Variants in CACNA2D3 observed in about 807,000 individuals in gnomAD.
CACNA2D3 encodes voltage-dependent calcium channel subunit alpha-2/delta-3.
A neutral mutation model predicts 160.6 loss-of-function variants in CACNA2D3; 60 were observed. That is an observed-to-expected ratio of 0.37 (90% CI 0.30 to 0.46). The LOEUF is 0.46. Among genes scored for constraint, CACNA2D3 ranks in the 20% least tolerant of loss-of-function variants. The probability of loss-of-function intolerance (pLI) is 1.00; values close to 1 mark genes in which losing one functional copy is unlikely to be tolerated. For missense variants in CACNA2D3, 1,205 were observed against 1,365.0 expected (o/e 0.88, Z 1.85); for synonymous variants, 558 against 492.9 (o/e 1.13, Z -1.75).
intron 2 of CACNA2D3, among the ~76,000 whole-genome samples, chr3:54,262,181 A>C (rs1338838373): frequency 6.6e-6 from 1 of 152,120 alleles, no homozygotes; most frequent in Non-Finnish European, 1.5e-5. Context: ...GATTTTGCTG[A>C]TGTGTTTGCT....
intron 35 of CACNA2D3, among the ~76,000 whole-genome samples, chr3:55,045,584 A>G (rs1232967994): frequency 6.6e-6 from 1 of 152,200 alleles, no homozygotes; most frequent in Non-Finnish European, 1.5e-5. Flanking sequence ...ATTTAAGATC[A>G]TTGAAGTTAG....
chr3:54,203,200 T>A (rs959701162), intron 2 of CACNA2D3, among the ~76,000 whole-genome samples: 1 of 152,202 alleles, frequency 6.6e-6, no homozygotes, highest in African/African-American at 2.4e-5. Flanking sequence ...CACCATCCAA[T>A]CCTTTGAAAG....
At chr3:54,717,297 T>A (rs1426713315) in intron 11 of CACNA2D3, among the ~76,000 whole-genome samples, 1 of 152,220 alleles carries the variant, frequency 6.6e-6, no homozygotes, top group Admixed American at 6.5e-5. Context: ...TTCTTCCACA[T>A]CTTCTGTTGC....
intron 2 of CACNA2D3, among the ~76,000 whole-genome samples, chr3:54,172,161 C>G (rs2107312452): frequency 6.6e-6 from 1 of 152,356 alleles, no homozygotes; most frequent in South Asian, 2.1e-4. Flanking sequence ...CACCACTCCA[C>G]TCTCCCCTTC....
intron 2 of CACNA2D3, among the ~76,000 whole-genome samples, chr3:54,132,207 G>A (rs1370220408): frequency 3.3e-5 from 5 of 152,174 alleles, no homozygotes; most frequent in South Asian, 2.1e-4. Flanking sequence ...CTAATGCTAC[G>A]TTTGGATATT....
intron 11 of CACNA2D3, among the ~76,000 whole-genome samples, chr3:54,708,846 G>A (rs373677657): frequency 1.6e-4 from 24 of 152,142 alleles, no homozygotes; most frequent in Admixed American, 5.2e-4. Context: ...TAAATCTTGG[G>A]TCTTAAGTTT....
chr3:54,267,273 C>T (rs961422307), intron 2 of CACNA2D3, among the ~76,000 whole-genome samples: 1 of 152,198 alleles, frequency 6.6e-6, no homozygotes, highest in African/African-American at 2.4e-5. Context: ...GTATGGAAAA[C>T]ATACTCAGCC....
At position 54,836,918 on chromosome 3, in the gene CACNA2D3, C is replaced by G. The variant is rs77825267; in HGVS notation, c.1399-241C>G. 4.6e-3 allele frequency among the ~76,000 whole-genome samples: 695 copies of G among 152,294 alleles called. 14 individuals are homozygous for G. The highest frequency in any genetic ancestry group is 0.042 in the East Asian group (218 of 5,174). On this transcript the variant is annotated intron_variant, in intron 14 of 37. Transcript: ENST00000474759. ...CTCTTTGAACCAAAGTGGCTGAAAG[C>G]AGAGAACAGATCTGCTAGAGTGACT...
At chr3:54,311,389 C>G (rs149517158) in intron 2 of CACNA2D3, among the ~76,000 whole-genome samples, 89 of 152,306 alleles carry the variant, frequency 5.8e-4, no homozygotes, top group Non-Finnish European at 9.4e-4. Flanking sequence ...CATTACATTA[C>G]TAGGCTCCTT....
intron 27 of CACNA2D3, among the ~76,000 whole-genome samples, chr3:54,937,569 A>G (rs953339406): frequency 6.6e-6 from 1 of 152,190 alleles, no homozygotes; most frequent in African/African-American, 2.4e-5. Flanking sequence ...GTATATGAAA[A>G]AGTACAGCCA....
intron 5 of CACNA2D3, among the ~76,000 whole-genome samples, chr3:54,548,052 A>G (rs1031398884): frequency 6.6e-6 from 1 of 152,044 alleles, no homozygotes; most frequent in African/African-American, 2.4e-5. Context: ...CACTCCACAC[A>G]TTGTTCTGGA....
intron 2 of CACNA2D3, among the ~76,000 whole-genome samples, chr3:54,153,872 C>T (rs1413083654): frequency 6.6e-6 from 1 of 152,208 alleles, no homozygotes; most frequent in Non-Finnish European, 1.5e-5. Context: ...ACCTTTTCTG[C>T]TGCAGTTCCT....
At chr3:54,458,920 A>T (rs543070385) in intron 4 of CACNA2D3, among the ~76,000 whole-genome samples, 1 of 151,414 alleles carries the variant, frequency 6.6e-6, no homozygotes, top group African/African-American at 2.4e-5. Context: ...TATCCCTCCC[A>T]ACTTCCCCCA....
intron 9 of CACNA2D3, among the ~76,000 whole-genome samples, chr3:54,591,325 GC>G (rs531637509): frequency 4.6e-4 from 70 of 152,238 alleles, no homozygotes; most frequent in African/African-American, 1.6e-3. Context: ...TAAATCAGGT[GC>G]CCATTCTGGA....
intron 11 of CACNA2D3, among the ~76,000 whole-genome samples, chr3:54,700,864 C>T (rs1044385042): frequency 6.6e-6 from 1 of 152,146 alleles, no homozygotes; most frequent in Non-Finnish European, 1.5e-5. Context: ...GCCCAAGTCT[C>T]AAAACTGTTC....
chr3:54,524,576 T>C (rs1701695613), intron 5 of CACNA2D3, among the ~76,000 whole-genome samples: 1 of 152,140 alleles, frequency 6.6e-6, no homozygotes, highest in Admixed American at 6.5e-5. Flanking sequence ...GTATTCAAAG[T>C]GAGATATTGA....
chr3:54,476,927 G>C lies in CACNA2D3; in HGVS notation c.382-26565G>C, dbSNP rs576935667. On this transcript the variant is annotated intron_variant, in intron 4 of 37. Transcript: ENST00000474759. ...AAAGATCCAAGTGGTTAGTGTGATA[G>C]ACCATGGACACCTGTTCCATATCTG... 7.2e-5 allele frequency among the ~76,000 whole-genome samples: 11 copies of C among 152,282 alleles called. No individual in the cohort carries two copies. The South Asian group carries it at 8.3e-4, about 11-fold the overall frequency.
chr3:54,902,109 C>T (rs1223318282), intron 27 of CACNA2D3, among the ~76,000 whole-genome samples: 2 of 152,176 alleles, frequency 1.3e-5, no homozygotes, highest in Non-Finnish European at 2.9e-5. Context: ...AGACAGCCGA[C>T]TGGCAGGAAT....
intron 3 of CACNA2D3, among the ~76,000 whole-genome samples, chr3:54,342,822 C>T (rs183517724): frequency 2.8e-4 from 42 of 152,326 alleles, no homozygotes; most frequent in Non-Finnish European, 7.3e-5. Context: ...TTCCCGAAGC[C>T]TGATCTGGGC....
Sources: gnomAD v4.1 joint callset for allele counts (sites outside exome capture counted in the v4.1 genomes callset) on GRCh38, gnomAD v4.1.1 for gene constraint, MANE v1.5 for transcripts, NCBI Gene and HGNC (gene_info 2026-07-23, HGNC 2026-07-21) for gene names.